The following CDCP2 variants were observed in gnomAD, a reference collection of about 807,000 sequenced individuals.
CDCP2 encodes CUB domain-containing protein 2.
Under a neutral mutation model 31.0 loss-of-function variants are expected in CDCP2, and 31 were observed. That is an observed-to-expected ratio of 1.00 (90% CI 0.75 to 1.35). The LOEUF is 1.35. Ranked by LOEUF, CDCP2 falls within the 40% of genes most tolerant of loss-of-function variation. CDCP2 has a pLI of 0.00. For synonymous variants in CDCP2, 206 were observed against 207.9 expected (o/e 0.99, Z 0.08); for missense variants, 443 against 482.6 (o/e 0.92, Z 0.77).
At chr1:54,141,420 G>T (rs777650275) in exon 3 of CDCP2, 1 of 1,605,214 alleles carries the variant, frequency 6.2e-7, no homozygotes, top group Admixed American at 1.7e-5. Context: ...CAGTCAGGAC[G>T]CCGCCACACA....
Position 54,144,391 on chromosome 1 carries a change from C to T in CDCP2, c.427+75G>A, listed in dbSNP as rs866085859. The stretch of plus-strand genomic sequence containing the variant: ...TGAACTCCTGGGATCAAGTAATCCT[C>T]CCACTTTGGCTTGCCAAAGCACCAG... On this transcript the variant is annotated intron_variant, in intron 2 of 5. Transcript: ENST00000530059. The T allele has an allele frequency of 4.8e-5, 63 of 1,322,072 alleles. No homozygotes were observed. The Middle Eastern group carries it at 1.4e-3, about 30-fold the overall frequency. 81.9% of individuals were successfully genotyped at this position (1,322,072 alleles called of 1,614,324 possible).
At chr1:54,141,508 C>T (rs1659375350) in intron 2 of CDCP2, 75 bp from the exon 3 acceptor site, 2 of 1,261,246 alleles carry the variant, frequency 1.6e-6, no homozygotes, top group Admixed American at 4.8e-5. Context: ...GAACAAGACA[C>T]TCCAACATGC....
At chr1:54,151,300 G>A (rs1414246714) in intron 1 of CDCP2, among the ~76,000 whole-genome samples, 3 of 152,214 alleles carry the variant, frequency 2.0e-5, no homozygotes, top group Middle Eastern at 3.2e-3. Flanking sequence ...CACATTATCA[G>A]CTCTCTGCCT....
At chr1:54,144,839 A>G in intron 1 of CDCP2, 26 bp from the exon 2 acceptor site, 1 of 1,568,676 alleles carries the variant, frequency 6.4e-7, no homozygotes, top group South Asian at 1.2e-5. Flanking sequence ...AGTATGGCTG[A>G]GACTCCGTGC....
chr1:54,141,002 C>CG (rs1659358954), intron 3 of CDCP2, 96 bp downstream of exon 3: 11 of 1,049,730 alleles, frequency 1.0e-5, no homozygotes, highest in South Asian at 7.6e-5. Flanking sequence ...CTCAAGGCTG[C>CG]GGGGGGCAGA....
chr1:54,136,016 C>T (rs1659253825), intron 5 of CDCP2, among the ~76,000 whole-genome samples: 2 of 152,104 alleles, frequency 1.3e-5, no homozygotes, highest in Admixed American at 1.3e-4. Flanking sequence ...TCTGTGAGGG[C>T]CCTAAGTCTG....
exon 3 of CDCP2, chr1:54,141,328 G>A: frequency 6.2e-7 from 1 of 1,614,242 alleles, no homozygotes; most frequent in Non-Finnish European, 8.5e-7. Context: ...GGCAGGGCCA[G>A]CGGCCCGGAT....
chr1:54,140,487 G>GT, intron 3 of CDCP2: 1 of 345,450 alleles, frequency 2.9e-6, no homozygotes, highest in Non-Finnish European at 5.5e-6. Context: ...GCCCCATTTG[G>GT]TATGTACTAT....
At chr1:54,146,844 A>C (rs1239147700) in intron 1 of CDCP2, among the ~76,000 whole-genome samples, 1 of 151,542 alleles carries the variant, frequency 6.6e-6, no homozygotes. Flanking sequence ...CTGTAATCCC[A>C]GTGGGCGGAT....
intron 1 of CDCP2, among the ~76,000 whole-genome samples, chr1:54,149,979 A>T (rs1444388091): frequency 5.9e-5 from 9 of 152,156 alleles, no homozygotes; most frequent in African/African-American, 1.9e-4. Flanking sequence ...GCCCAATACC[A>T]CTTCCTTTGC....
chr1:54,145,202 C>A (rs1659442883), intron 1 of CDCP2, among the ~76,000 whole-genome samples: 1 of 152,044 alleles, frequency 6.6e-6, no homozygotes, highest in Non-Finnish European at 1.5e-5. Context: ...CAGAAGTGGG[C>A]AGATCACAAG....
At chr1:54,144,190 C>T (rs867771180) in intron 2 of CDCP2, 1 of 361,686 alleles carries the variant, frequency 2.8e-6, no homozygotes, top group African/African-American at 2.1e-5. Context: ...CAAGCATGGT[C>T]ATGAACAGTG....
intron 4 of CDCP2, among the ~76,000 whole-genome samples, chr1:54,137,240 GA>G (rs1177863731): frequency 6.6e-6 from 1 of 152,132 alleles, no homozygotes; most frequent in Admixed American, 6.5e-5. Context: ...CAAAAATGAG[GA>G]AAAAACACAG....
intron 1 of CDCP2, among the ~76,000 whole-genome samples, chr1:54,146,190 T>C (rs1206288170): frequency 6.7e-6 from 1 of 149,350 alleles, no homozygotes; most frequent in East Asian, 1.9e-4. Context: ...AATTTTTTTT[T>C]TTTTTTTTAC....
In CDCP2 at chr1:54,150,139, G is replaced by A. The variant is rs372136977; in HGVS notation, c.79+2705C>T. Among the ~76,000 whole-genome samples the A allele has an allele frequency of 8.8e-4, 134 of 152,322 alleles. 1 individual carries two copies. The highest frequency in any genetic ancestry group is 5.8e-3 in the South Asian group (28 of 4,830). On this transcript the variant is annotated intron_variant, in intron 1 of 5. Transcript: ENST00000530059. ...CCACCACCACCACAGTGACTGGCCC[G>A]CAGGGTGAGCATGTGCTCCAGGCTA...
chr1:54,151,317 T>A (rs570694614), intron 1 of CDCP2, among the ~76,000 whole-genome samples: 1 of 152,300 alleles, frequency 6.6e-6, no homozygotes, highest in Admixed American at 6.5e-5. Context: ...GCCTAGCTCT[T>A]GGGGTGGGAC....
At chr1:54,146,027 TG>T (rs954371107) in intron 1 of CDCP2, among the ~76,000 whole-genome samples, 1 of 152,210 alleles carries the variant, frequency 6.6e-6, no homozygotes, top group African/African-American at 2.4e-5. Flanking sequence ...AAGGACAAAA[TG>T]AACCACAACA....
At chr1:54,139,823 G>T in exon 4 of CDCP2, 2 of 1,614,214 alleles carry the variant, frequency 1.2e-6, no homozygotes, top group South Asian at 1.1e-5. Flanking sequence ...GCAGAAGCTG[G>T]TTGTGGCTTG....
At position 54,140,095 on chromosome 1, in the gene CDCP2, C is replaced by T. The variant is rs1300966537; in HGVS notation, c.775G>A (p.Glu259Lys). 1 of 1,613,220 alleles carries T rather than the reference C, an allele frequency of 6.2e-7. No individual in the cohort carries two copies. The highest frequency in any genetic ancestry group is 1.7e-4 in the Middle Eastern group (1 of 6,058). ...TTGCCCCGCATGGCCATGTATACCTCCTGGCATTCTCCTGGATGGGGGATG... is the reference window on the plus strand; with the variant it reads ...TTGCCCCGCATGGCCATGTATACCTTCTGGCATTCTCCTGGATGGGGGATG... Residue 259 changes from glutamate (E) to lysine (K), a missense_variant, in exon 4 of 6, where the codon GAG (glutamate) becomes AAG (lysine). By Grantham distance (56) the Glu-to-Lys change is moderately conservative (BLOSUM62 1). Transcript: ENST00000530059.
Sources: gnomAD v4.1 joint callset for allele counts (sites outside exome capture counted in the v4.1 genomes callset) on GRCh38, gnomAD v4.1.1 for gene constraint, MANE v1.5 for transcripts, NCBI Gene and HGNC (gene_info 2026-07-23, HGNC 2026-07-21) for gene names.